Variants in TP53I11 observed in about 807,000 individuals in gnomAD.
TP53I11 encodes the protein tumor protein p53-inducible protein 11.
Under a neutral mutation model 23.3 loss-of-function variants are expected in TP53I11, and 9 were observed. The ratio of observed to expected loss-of-function variants is 0.39; its 90% CI spans 0.23 to 0.67. The LOEUF (loss-of-function observed/expected upper bound fraction) is 0.67, where lower values mean the gene tolerates loss of function less well. Among genes scored for constraint, TP53I11 ranks in the 30% least tolerant of loss-of-function variants. The pLI, the probability that TP53I11 is intolerant of heterozygous loss-of-function variation, is 0.48. For synonymous variants in TP53I11, 100 were observed against 106.1 expected (o/e 0.94, Z 0.35); for missense variants, 170 against 255.2 (o/e 0.67, Z 2.27).
intron 1 of TP53I11, among the ~76,000 whole-genome samples, chr11:44,944,841 G>A (rs988226864): frequency 1.3e-5 from 2 of 152,168 alleles, no homozygotes; most frequent in Admixed American, 1.3e-4. Context: ...CATGAATAAG[G>A]TGGCTGCCCA....
chr11:44,949,022 T>A (rs1391056395), intron 1 of TP53I11, among the ~76,000 whole-genome samples: 1 of 152,196 alleles, frequency 6.6e-6, no homozygotes, highest in Admixed American at 6.5e-5. Flanking sequence ...ACGGAGGAAG[T>A]TGACGACATG....
In TP53I11 at chr11:44,935,986, C is replaced by T. The variant is rs1861067664; in HGVS notation, c.335-324G>A. 10 of 426,396 alleles carry T rather than the reference C, an allele frequency of 2.3e-5. No individual in the cohort carries two copies. The South Asian group carries it at 2.6e-4, about 11-fold the overall frequency. 26.4% of individuals were successfully genotyped at this position (426,396 alleles called of 1,614,324 possible). On this transcript the variant is annotated intron_variant, in intron 5 of 6. Transcript: ENST00000525680. ...CCCTGGCCCCTGCCCATGTCCGGTT[C>T]TGTCAGGAGGATGCTGTGTTCATGG...
chr11:44,946,287 G>A (rs1862386439), intron 1 of TP53I11, among the ~76,000 whole-genome samples: 1 of 152,214 alleles, frequency 6.6e-6, no homozygotes, highest in Non-Finnish European at 1.5e-5. Flanking sequence ...AGGCTACCCG[G>A]TGGATGGGCC....
At chr11:44,945,514 C>T (rs934089817) in intron 1 of TP53I11, among the ~76,000 whole-genome samples, 8 of 151,898 alleles carry the variant, frequency 5.3e-5, no homozygotes, top group Non-Finnish European at 1.0e-4. Context: ...GTTTGGTGGA[C>T]GTGAACTGAG....
In TP53I11 at chr11:44,934,873, C is replaced by T; in HGVS notation, c.*11G>A. ...CCCAGGCATGGGCAGGGCCCCAGGCCCAGCGGGCAACTAGGCCTTCTTGGG... is the reference window on the plus strand; with the variant it reads ...CCCAGGCATGGGCAGGGCCCCAGGCTCAGCGGGCAACTAGGCCTTCTTGGG... On this transcript the variant is annotated 3_prime_UTR_variant, in exon 7 of 7. Coordinates refer to ENST00000525680, the MANE Select transcript of TP53I11 (RefSeq NM_006034.5). 1 of 1,613,902 alleles carries T rather than the reference C, an allele frequency of 6.2e-7. No homozygotes were observed. The highest frequency in any genetic ancestry group is 8.5e-7 in the Non-Finnish European group (1 of 1,179,906).
At chr11:44,949,341 G>C (rs1244263111) in intron 1 of TP53I11, among the ~76,000 whole-genome samples, 1 of 152,172 alleles carries the variant, frequency 6.6e-6, no homozygotes, top group Non-Finnish European at 1.5e-5. Flanking sequence ...GGACCACATA[G>C]TTGGGGTGGG....
At chr11:44,942,723 G>A (rs1389286237) in intron 1 of TP53I11, among the ~76,000 whole-genome samples, 1 of 152,204 alleles carries the variant, frequency 6.6e-6, no homozygotes, top group African/African-American at 2.4e-5. Context: ...AAGGGCCCAT[G>A]TGGCCCCACA....
rs754323456 is a variant in TP53I11, at chr11:44,935,670, G to A, written c.335-8C>T. 1.0e-5 allele frequency: 16 copies of A among 1,591,370 alleles called. No individual in the cohort carries two copies. Among genetic ancestry groups the A allele is most frequent in the East Asian group, 6.7e-5 (3 of 44,680 alleles). On this transcript the variant is annotated splice_polypyrimidine_tract_variant and splice_region_variant and intron_variant, in intron 5 of 6. Coordinates refer to ENST00000525680, the MANE Select transcript of TP53I11 (RefSeq NM_006034.5). ...ACATGATCAGGGAGATGCCTGGGGCGGGGGATGAAAAGGGGGCTGGGGGTG... is the reference window on the plus strand; with the variant it reads ...ACATGATCAGGGAGATGCCTGGGGCAGGGGATGAAAAGGGGGCTGGGGGTG...
At chr11:44,942,347 AC>A (rs1377728796) in intron 1 of TP53I11, among the ~76,000 whole-genome samples, 1 of 139,124 alleles carries the variant, frequency 7.2e-6, no homozygotes, top group South Asian at 2.3e-4. Context: ...ACACACACAC[AC>A]CCCCACAACA....
In TP53I11 at chr11:44,936,999, G is replaced by A; in HGVS notation, c.238-100C>T. The stretch of plus-strand genomic sequence containing the variant: ...CGTCTTCCTTCCCCGCCAGGAGCAG[G>A]ATCAGCATCCTTGGGGGCAGTCCAG... On this transcript the variant is annotated intron_variant, in intron 4 of 6. Transcript: ENST00000525680. The surrounding 1 kb of genome is among the most constrained non-coding windows in gnomAD (Gnocchi z 4.4). 1.1e-6 allele frequency: 1 copy of A among 909,070 alleles called. No homozygotes were observed. Among genetic ancestry groups the A allele is most frequent in the African/African-American group, 1.7e-5 (1 of 59,100 alleles). The allele number at this position is 909,070 out of a possible 1,614,324, so 56.3% of individuals were successfully genotyped here.
At chr11:44,937,009 C>T in intron 4 of TP53I11, 110 bp from the exon 5 acceptor site, 2 of 852,334 alleles carry the variant, frequency 2.3e-6, no homozygotes, top group Non-Finnish European at 3.6e-6. Flanking sequence ...GATCAGCATC[C>T]TTGGGGGCAG....
Position 44,936,306 on chromosome 11 carries a change from C to T in TP53I11, c.334+497G>A, listed in dbSNP as rs528784852. On this transcript the variant is annotated intron_variant, in intron 5 of 6. Transcript: ENST00000525680. The surrounding 1 kb of genome is among the most constrained non-coding windows in gnomAD (Gnocchi z 4.4). Reference sequence around the variant, plus strand: ...GGCAATAGGGAGCCATAGAATATTTCGTAGAAATAGAGGCATATTACCTAT... The same window carrying T: ...GGCAATAGGGAGCCATAGAATATTTTGTAGAAATAGAGGCATATTACCTAT... 24 of 1,170,222 alleles carry T rather than the reference C, an allele frequency of 2.1e-5. No homozygotes were observed. Among genetic ancestry groups the T allele is most frequent in the East Asian group, 7.8e-5 (2 of 25,554 alleles). The allele number at this position is 1,170,222 out of a possible 1,614,324, so 72.5% of individuals were successfully genotyped here. A position where few individuals can be genotyped will look rare whatever the true frequency, so the allele number is the denominator to read the frequency against.
At position 44,932,917 on chromosome 11, in the gene TP53I11, G is replaced by A. The variant is rs1035490066; in HGVS notation, c.*1967C>T. 5 of 152,284 alleles carry A rather than the reference G, an allele frequency of 3.3e-5. No individual in the cohort carries two copies. The highest frequency in any genetic ancestry group is 7.3e-5 in the Non-Finnish European group (5 of 68,088). 9.4% of individuals were successfully genotyped at this position (152,284 alleles called of 1,614,324 possible). A position where few individuals can be genotyped will look rare whatever the true frequency, so the allele number is the denominator to read the frequency against. Reference sequence around the variant, plus strand: ...CTCATTCCCCAGGTGGAATCCACCTGCAGTTATGGGAGGACAAACCAACCA... The same window carrying A: ...CTCATTCCCCAGGTGGAATCCACCTACAGTTATGGGAGGACAAACCAACCA... On this transcript the variant is annotated 3_prime_UTR_variant, in exon 7 of 7. Transcript: ENST00000525680.
chr11:44,947,115 C>G (rs915855475), intron 1 of TP53I11: 15 of 456,108 alleles, frequency 3.3e-5, no homozygotes, highest in Non-Finnish European at 1.3e-5. Flanking sequence ...CCCCGGGGGT[C>G]TGAAGCTGCT....
At chr11:44,935,735 C>T in intron 5 of TP53I11, 73 bp from the exon 6 acceptor site, 1 of 1,084,154 alleles carries the variant, frequency 9.2e-7, no homozygotes, top group Non-Finnish European at 1.4e-6. Context: ...GAGGACTGCT[C>T]CTGCTTCCTC....
In TP53I11 at chr11:44,934,390, G is replaced by A. The variant is rs113189782; in HGVS notation, c.*494C>T. ...ATGTGGAGAGGGCCAGATTGAGGAG[G>A]AGGGGTACAGGGTTTTCCAGGATTA... On this transcript the variant is annotated 3_prime_UTR_variant, in exon 7 of 7. Transcript: ENST00000525680. 12 of 176,846 alleles carry A rather than the reference G, an allele frequency of 6.8e-5. No individual in the cohort carries two copies. Among genetic ancestry groups the A allele is most frequent in the Non-Finnish European group, 1.1e-4 (9 of 81,196 alleles). 11.0% of individuals were successfully genotyped at this position (176,846 alleles called of 1,614,324 possible).
At chr11:44,947,143 C>T (rs1862465825) in intron 1 of TP53I11, 1 of 455,788 alleles carries the variant, frequency 2.2e-6, no homozygotes, top group Non-Finnish European at 4.4e-6. Context: ...GCAAGGGGAT[C>T]AGGCCCTCTG....
intron 1 of TP53I11, among the ~76,000 whole-genome samples, chr11:44,944,088 T>A (rs960135104): frequency 2.0e-5 from 3 of 152,292 alleles, no homozygotes; most frequent in Admixed American, 6.5e-5. Context: ...ACAATGGGGA[T>A]CACACCACAG....
intron 1 of TP53I11, among the ~76,000 whole-genome samples, chr11:44,947,438 C>T (rs1393334682): frequency 1.3e-5 from 2 of 152,184 alleles, no homozygotes; most frequent in Non-Finnish European, 2.9e-5. Context: ...CACCCCGTGG[C>T]TGTTCAGGAA....
Sources: allele counts gnomAD v4.1 joint callset (sites outside exome capture counted in the v4.1 genomes callset), GRCh38; gene constraint gnomAD v4.1.1; non-coding constraint Gnocchi (gnomAD v3.1); transcripts MANE v1.5; gene names NCBI Gene and HGNC (gene_info 2026-07-23, HGNC 2026-07-21).